TOMM70: variants seen among roughly 807,000 people sequenced by gnomAD.
TOMM70 encodes the protein mitochondrial import receptor subunit TOM70.
A neutral mutation model predicts 73.6 loss-of-function variants in TOMM70; 13 were observed. That is an observed-to-expected ratio of 0.18 (90% confidence interval 0.11 to 0.28). TOMM70 has a LOEUF of 0.28. TOMM70 is among the 10% of genes least tolerant of loss of function. The probability of loss-of-function intolerance (pLI) is 1.00; values close to 1 mark genes in which losing one functional copy is unlikely to be tolerated. For missense variants in TOMM70, 609 were observed against 747.5 expected (o/e 0.81, Z 2.16); for synonymous variants, 257 against 271.2 (o/e 0.95, Z 0.51).
intron 4 of TOMM70, among the ~76,000 whole-genome samples, chr3:100,382,950 A>T (rs999381215): frequency 4.5e-4 from 69 of 151,722 alleles, no homozygotes; most frequent in African/African-American, 1.6e-3. Flanking sequence ...CAGTTGTTAT[A>T]AAAAAATCAA....
chr3:100,379,838 C>G (rs1420019932), intron 5 of TOMM70, among the ~76,000 whole-genome samples: 2 of 152,116 alleles, frequency 1.3e-5, no homozygotes, highest in Non-Finnish European at 2.9e-5. Flanking sequence ...AGGCTAGTCT[C>G]AAACTCCTGG....
intron 1 of TOMM70, among the ~76,000 whole-genome samples, chr3:100,397,226 A>C (rs1706835693): frequency 6.6e-6 from 1 of 152,252 alleles, no homozygotes; most frequent in Non-Finnish European, 1.5e-5. Flanking sequence ...AGTTTATCCA[A>C]CCACAGATAA....
At chr3:100,368,991 A>G (rs771176589) in intron 10 of TOMM70, 47 bp downstream of exon 10, 2 of 1,394,246 alleles carry the variant, frequency 1.4e-6, no homozygotes, top group Non-Finnish European at 2.0e-6. Flanking sequence ...TTTTATTACT[A>G]TGCAAGAAAT....
rs769287867 is a variant in TOMM70 at position 100,394,365 on chromosome 3, C to CTTTTCTTTTCTTTTTTT, written c.324+6260_324+6261insAAAAAAAGAAAAGAAAA. On this transcript the variant is annotated intron_variant, in intron 1 of 11. Transcript: ENST00000284320. ...ACTTATTGACCAACTGTTACTTTTT[C>CTTTTCTTTTCTTTTTTT]TTTTTTTTTTTTTGAGATAGAGTTT... is the stretch of plus-strand genomic sequence containing the variant. 2.1e-4 allele frequency among the ~76,000 whole-genome samples: 28 copies of CTTTTCTTTTCTTTTTTT among 131,382 alleles called. 1 individual carries two copies. The highest frequency in any genetic ancestry group is 5.9e-4 in the African/African-American group (20 of 34,034). The allele number at this position is 131,382 out of a possible 152,430, so 86.2% of individuals were successfully genotyped here.
Position 100,386,856 on chromosome 3 carries a change from A to G in TOMM70, c.447T>C (p.Asn149=), listed in dbSNP as rs749120677. ...EAISLCPTEK[N]VDLSTFYQNR... is the part of the protein sequence containing the mutation. ...TTTGATAAAATGTAGAAAGGTCAAC[A>G]TTCTTCTCTGTAGGGCACAAGCTAA... Residue 149 remains asparagine (N), a synonymous_variant, in exon 2 of 12, where the codon AAT becomes AAC. Transcript: ENST00000284320. The G allele has an allele frequency of 1.2e-6, 2 of 1,614,164 alleles. No homozygotes were observed. Among genetic ancestry groups the G allele is most frequent in the South Asian group, 1.1e-5 (1 of 91,084 alleles).
intron 1 of TOMM70, among the ~76,000 whole-genome samples, chr3:100,392,739 G>A (rs1245068876): frequency 6.6e-6 from 1 of 151,992 alleles, no homozygotes; most frequent in Non-Finnish European, 1.5e-5. Context: ...TAAAGAACTA[G>A]AATAGACATA....
At chr3:100,372,488 G>T in intron 9 of TOMM70, 118 bp downstream of exon 9, 1 of 790,818 alleles carries the variant, frequency 1.3e-6, no homozygotes, top group Non-Finnish European at 2.0e-6. Context: ...AATCAATCAG[G>T]AACAAAGCCA....
intron 1 of TOMM70, among the ~76,000 whole-genome samples, chr3:100,389,989 G>A (rs966341025): frequency 2.6e-5 from 4 of 151,392 alleles, no homozygotes; most frequent in African/African-American, 9.7e-5. Flanking sequence ...GCAGTGAGCC[G>A]AGATCACACC....
At chr3:100,382,547 C>T (rs995417101) in intron 4 of TOMM70, among the ~76,000 whole-genome samples, 2 of 152,072 alleles carry the variant, frequency 1.3e-5, no homozygotes, top group Non-Finnish European at 2.9e-5. Flanking sequence ...GTCAAATGGT[C>T]ACCTATCAAG....
intron 1 of TOMM70, among the ~76,000 whole-genome samples, chr3:100,393,808 T>C (rs562681791): frequency 5.3e-5 from 8 of 152,266 alleles, no homozygotes; most frequent in African/African-American, 1.4e-4. Flanking sequence ...TTGCTTAGGA[T>C]AGTCAGTGAA....
chr3:100,399,962 C>A (rs1706872410), intron 1 of TOMM70, among the ~76,000 whole-genome samples: 1 of 151,926 alleles, frequency 6.6e-6, no homozygotes, highest in Non-Finnish European at 1.5e-5. Flanking sequence ...TGCTTGCAGC[C>A]AAGGGGGCTT....
intron 11 of TOMM70, 39 bp from the exon 12 acceptor site, chr3:100,365,756 C>T: frequency 4.3e-6 from 7 of 1,609,838 alleles, no homozygotes; most frequent in Non-Finnish European, 5.9e-6. Flanking sequence ...ATTCAACAAG[C>T]ACTTCACAAT....
chr3:100,395,808 C>T (rs1385443085), intron 1 of TOMM70, among the ~76,000 whole-genome samples: 2 of 152,112 alleles, frequency 1.3e-5, no homozygotes, highest in Non-Finnish European at 2.9e-5. Flanking sequence ...AAGATAGAGC[C>T]AGTCTCAGCC....
chr3:100,390,241 T>G (rs780997051), intron 1 of TOMM70, among the ~76,000 whole-genome samples: 2 of 152,208 alleles, frequency 1.3e-5, no homozygotes, highest in Non-Finnish European at 2.9e-5. Flanking sequence ...GTCTTTATCC[T>G]GAAGGACCAT....
rs537639389 is a variant in TOMM70, at chr3:100,373,389, T to G, written c.1335+149A>C. ...CAAATGTCCAGAGAAATACAAGAGC[T>G]AGGTATCAATCAGCACCTTTTTTCC... On this transcript the variant is annotated intron_variant, in intron 8 of 11. Coordinates refer to ENST00000284320, the MANE Select transcript of TOMM70 (RefSeq NM_014820.5). 736 of 557,982 alleles carry G rather than the reference T, an allele frequency of 1.3e-3. 10 individuals are homozygous for G. The South Asian group carries it at 0.018, about 14-fold the overall frequency. 34.6% of individuals were successfully genotyped at this position (557,982 alleles called of 1,614,324 possible).
chr3:100,400,587 A>T (rs1559837048), intron 1 of TOMM70, 39 bp downstream of exon 1: 1 of 1,593,460 alleles, frequency 6.3e-7, no homozygotes, highest in Non-Finnish European at 8.6e-7. Flanking sequence ...AAGCTGCACG[A>T]GCCAGTTTCC....
chr3:100,381,528 G>A, intron 5 of TOMM70, 87 bp downstream of exon 5: 1 of 1,115,898 alleles, frequency 9.0e-7, no homozygotes, highest in Non-Finnish European at 1.2e-6. Flanking sequence ...CTGCTGTTGT[G>A]AGATGGCTCA....
In TOMM70 at chr3:100,384,495, G is replaced by T; in HGVS notation, c.719C>A (p.Ala240Asp). 1 of 1,606,682 alleles carries T rather than the reference G, an allele frequency of 6.2e-7. No homozygotes were observed. The change falls in exon 4 of 12, where the codon GCC (alanine) becomes GAC (aspartate). Residue 240 changes from alanine (A) to aspartate (D), a missense_variant. Physicochemically the swap from Ala to Asp is moderately radical, Grantham distance 126 (BLOSUM62 -2). Around this residue, in one of 2 missense-constraint regions of TOMM70, gnomAD observed 432 missense variants for 584.1 expected, o/e 0.74. Transcript: ENST00000284320. ...TCAATTTACCTTATATTTTTCTTTG[G>T]CTTTCTCTTTTCCAAGGAGTTTAAG... ...KVLKLLGKEK[A>D]KEKYKNREPL...
Position 100,369,586 on chromosome 3 carries a change from C to T in TOMM70, c.1453-451G>A, listed in dbSNP as rs557675736. Among the ~76,000 whole-genome samples, 7 of 151,900 alleles carry T rather than the reference C, an allele frequency of 4.6e-5. No homozygotes were observed. In the East Asian group the frequency reaches 9.7e-4, roughly 21 times the overall value. The stretch of plus-strand genomic sequence containing the variant: ...CGCAATCTCTGTTTTCTGCAACCTC[C>T]GCCTCTTGGGTTCAAGTGATCCCCC... On this transcript the variant is annotated intron_variant, in intron 9 of 11. Coordinates refer to ENST00000284320, the MANE Select transcript of TOMM70 (RefSeq NM_014820.5).
Sources: allele counts gnomAD v4.1 joint callset (sites outside exome capture counted in the v4.1 genomes callset), GRCh38; gene constraint gnomAD v4.1.1; regional missense constraint gnomAD v4.1.1; transcripts MANE v1.5; gene names NCBI Gene and HGNC (gene_info 2026-07-23, HGNC 2026-07-21).